The following TNRC6B variants were observed in gnomAD, a reference collection of about 807,000 sequenced individuals.
TNRC6B encodes trinucleotide repeat containing adaptor 6B.
Under a neutral mutation model 203.6 loss-of-function variants are expected in TNRC6B, and 52 were observed. That is an observed-to-expected ratio of 0.26 (90% CI 0.20 to 0.32). TNRC6B has a LOEUF of 0.32. Among genes scored for constraint, TNRC6B ranks in the 10% least tolerant of loss-of-function variants. The pLI is 1.00. For missense variants in TNRC6B, 1,923 were observed against 2,286.2 expected (o/e 0.84, Z 3.24); for synonymous variants, 838 against 845.7 (o/e 0.99, Z 0.16).
chr22:40,053,331 A>G (rs965486533), intron 1 of TNRC6B, among the ~76,000 whole-genome samples: 9 of 152,230 alleles, frequency 5.9e-5, no homozygotes, highest in African/African-American at 1.9e-4. Context: ...ATTGTAATTA[A>G]TGCAAGTCTT....
chr22:40,230,323 T>C (rs2069851311), intron 1 of TNRC6B, among the ~76,000 whole-genome samples: 1 of 141,358 alleles, frequency 7.1e-6, no homozygotes, highest in Non-Finnish European at 1.5e-5. Context: ...AGGTTCTCAC[T>C]CTGTCGCCCA....
At chr22:40,081,363 A>G (rs943027986) in intron 1 of TNRC6B, among the ~76,000 whole-genome samples, 10 of 143,670 alleles carry the variant, frequency 7.0e-5, no homozygotes, top group Non-Finnish European at 1.0e-4. Context: ...TTGCCTAGCA[A>G]TTTCCTGCTT....
intron 1 of TNRC6B, among the ~76,000 whole-genome samples, chr22:40,108,606 G>A (rs1246056783): frequency 1.3e-5 from 2 of 152,170 alleles, no homozygotes; most frequent in South Asian, 2.1e-4. Context: ...GCACATTGGA[G>A]TTTTTCCAGA....
intron 1 of TNRC6B, among the ~76,000 whole-genome samples, chr22:40,102,508 G>C (rs549856818): frequency 6.6e-6 from 1 of 152,320 alleles, no homozygotes; most frequent in South Asian, 2.1e-4. Flanking sequence ...GTGTGGATGA[G>C]ATTTTAAATA....
intron 1 of TNRC6B, among the ~76,000 whole-genome samples, chr22:40,108,931 C>T (rs2068309492): frequency 6.7e-6 from 1 of 150,304 alleles, no homozygotes; most frequent in African/African-American, 2.5e-5. Context: ...TCCCTCCCCC[C>T]GCCACCCACC....
chr22:40,170,580 T>TTA lies in TNRC6B; in HGVS notation c.113+14408_113+14409dup, dbSNP rs1226281606. On this transcript the variant is annotated intron_variant, in intron 4 of 23. Coordinates refer to the TNRC6B transcript ENST00000301923. ...AGTTTATATATATTATATATATAGTTTATATATATATTATATATAGTTTAT... is the reference window on the plus strand; with the variant it reads ...AGTTTATATATATTATATATATAGTTTATATATATATATTATATATAGTTTAT... Among the ~76,000 whole-genome samples, 8 of 37,354 alleles carry TTA rather than the reference T, an allele frequency of 2.1e-4. 1 individual carries two copies. The highest frequency in any genetic ancestry group is 8.3e-4 in the East Asian group (2 of 2,404). The allele number at this position is 37,354 out of a possible 152,430, so 24.5% of individuals were successfully genotyped here. A position where few individuals can be genotyped will look rare whatever the true frequency, so the allele number is the denominator to read the frequency against.
intron 2 of TNRC6B, chr22:40,125,695 T>C (rs1274703132): frequency 2.2e-6 from 2 of 927,912 alleles, no homozygotes; most frequent in Non-Finnish European, 3.2e-6. Context: ...ATTGAGAGAA[T>C]TTCAGTCTAA....
At chr22:40,213,863 A>G (rs1223167800) in intron 1 of TNRC6B, among the ~76,000 whole-genome samples, 1 of 152,212 alleles carries the variant, frequency 6.6e-6, no homozygotes, top group Non-Finnish European at 1.5e-5. Flanking sequence ...CAAATATGGA[A>G]AAAGAACTCG....
rs1412588707 is a variant in TNRC6B at position 40,130,786 on chromosome 22, A to C, written c.45+4924A>C. Among the ~76,000 whole-genome samples, 6 of 151,418 alleles carry C rather than the reference A, an allele frequency of 4.0e-5. 1 individual carries two copies. The highest frequency in any genetic ancestry group is 1.2e-4 in the African/African-American group (5 of 41,300). On this transcript the variant is annotated intron_variant, in intron 3 of 23. Transcript: ENST00000301923. ...CGACAGGGAGACTCCGTCTAAAAAA[A>C]AAAAAAAAAAAAAAAAATAGTTAAC...
chr22:40,147,607 C>T (rs2068706913), intron 3 of TNRC6B, among the ~76,000 whole-genome samples: 1 of 152,172 alleles, frequency 6.6e-6, no homozygotes, highest in African/African-American at 2.4e-5. Context: ...GACAGTGCGT[C>T]CCTGACAAGC....
chr22:40,052,461 TTTTTTTTTTTG>T (rs1378526708), intron 1 of TNRC6B, among the ~76,000 whole-genome samples: 19 of 141,070 alleles, frequency 1.3e-4, no homozygotes, highest in African/African-American at 5.2e-4. Flanking sequence ...TTTTTTTTTT[TTTTTTTTTTTG>T]TTGAGGCAGG....
chr22:40,130,435 A>G (rs183419390), intron 3 of TNRC6B, among the ~76,000 whole-genome samples: 8 of 152,306 alleles, frequency 5.3e-5, no homozygotes, highest in Admixed American at 2.0e-4. Flanking sequence ...TTGATTTCCT[A>G]TTAAGAGGAA....
intron 1 of TNRC6B, among the ~76,000 whole-genome samples, chr22:40,112,754 C>G (rs2068350618): frequency 6.6e-6 from 1 of 152,156 alleles, no homozygotes; most frequent in East Asian, 1.9e-4. Flanking sequence ...GGACAGAAAT[C>G]AAGTTGTGAT....
chr22:40,222,179 C>T (rs1257556293), intron 1 of TNRC6B, among the ~76,000 whole-genome samples: 1 of 152,124 alleles, frequency 6.6e-6, no homozygotes, highest in Non-Finnish European at 1.5e-5. Context: ...CTTACTTACC[C>T]ATTTGCGGTC....
rs1158680060 is a variant in TNRC6B, at chr22:40,326,258, A to G, written c.*3017A>G. The G allele has an allele frequency of 6.6e-6, 1 of 152,594 alleles. No individual in the cohort carries two copies. Among genetic ancestry groups the G allele is most frequent in the Non-Finnish European group, 1.5e-5 (1 of 68,030 alleles). 9.5% of individuals were successfully genotyped at this position (152,594 alleles called of 1,614,324 possible). ...GAGAGATGGCTGTTTCTTTCCTGTT[A>G]ATAAACTTTTACAAGTTCCTGAAAC... On this transcript the variant is annotated 3_prime_UTR_variant, in exon 23 of 23. Transcript: ENST00000454349.
chr22:40,241,740 C>G (rs1199632179), intron 1 of TNRC6B, among the ~76,000 whole-genome samples: 1 of 152,200 alleles, frequency 6.6e-6, no homozygotes, highest in East Asian at 1.9e-4. Flanking sequence ...CCCTTTATGA[C>G]AAGTATTTTA....
intron 1 of TNRC6B, among the ~76,000 whole-genome samples, chr22:40,104,032 C>A (rs536085582): frequency 6.7e-6 from 1 of 150,300 alleles, no homozygotes; most frequent in African/African-American, 2.4e-5. Flanking sequence ...GCAGGTGGAT[C>A]ACAAGGTCAG....
chr22:40,296,334 T>G (rs2070940752), intron 12 of TNRC6B, among the ~76,000 whole-genome samples: 1 of 149,084 alleles, frequency 6.7e-6, no homozygotes, highest in Non-Finnish European at 1.5e-5. Flanking sequence ...GAATTTTTTT[T>G]TTTTTTTTTT....
chr22:40,046,262 TG>T (rs2067686556), intron 1 of TNRC6B, among the ~76,000 whole-genome samples: 2 of 152,316 alleles, frequency 1.3e-5, no homozygotes, highest in East Asian at 3.9e-4. Context: ...TTTTGGGTAG[TG>T]TTGTGTAAAT....
Sources: allele counts gnomAD v4.1 joint callset (sites outside exome capture counted in the v4.1 genomes callset), GRCh38; gene constraint gnomAD v4.1.1; transcripts MANE v1.5; gene names NCBI Gene and HGNC (gene_info 2026-07-23, HGNC 2026-07-21).